C13orf42: variants seen among roughly 807,000 people sequenced by gnomAD.
C13orf42 encodes the protein uncharacterized protein C13orf42.
At chr13:51,161,860 A>C in intron 1 of C13orf42, 4 of 459,422 alleles carry the variant, frequency 8.7e-6, no homozygotes, top group South Asian at 1.8e-5. Context: ...TCAGAGCCCC[A>C]AAAACTTTAT....
Position 51,104,753 on chromosome 13 carries a change from T to A in C13orf42, c.414+6043A>T, listed in dbSNP as rs545611869. 1.2e-3 allele frequency among the ~76,000 whole-genome samples: 180 copies of A among 146,090 alleles called. 1 individual carries two copies. Among genetic ancestry groups the A allele is most frequent in the Non-Finnish European group, 1.1e-3 (77 of 67,348 alleles). On this transcript the variant is annotated intron_variant, in intron 1 of 3. Transcript: ENST00000563710. ...ACTGTGAAAGAGTGAGTTTTATGTA[T>A]GTGAATTAAAGCTATTATATTAAAA...
chr13:51,165,322 C>G (rs1403151784), intron 1 of C13orf42, among the ~76,000 whole-genome samples: 1 of 152,222 alleles, frequency 6.6e-6, no homozygotes, highest in Non-Finnish European at 1.5e-5. Context: ...AGGCTCTCCA[C>G]TGTTTCTAGC....
In C13orf42 at chr13:51,084,042, A is replaced by C; in HGVS notation, c.*109T>G. The C allele has an allele frequency of 2.5e-6, 1 of 396,948 alleles. No individual in the cohort carries two copies. The highest frequency in any genetic ancestry group is 4.4e-6 in the Non-Finnish European group (1 of 225,504). 24.6% of individuals were successfully genotyped at this position (396,948 alleles called of 1,614,324 possible). ...AGCAGGCAGTGTGCTGAGTGGGTTG[A>C]CTGTGTTACAATTGGCATTTTCAAC... On this transcript the variant is annotated 3_prime_UTR_variant, in exon 4 of 4. Transcript: ENST00000563710.
chr13:51,171,877 G>T (rs994069839), intron 1 of C13orf42: 4 of 152,062 alleles, frequency 2.6e-5, no homozygotes, highest in Admixed American at 2.6e-4. Flanking sequence ...TCAAAAGGCC[G>T]TCTTATGCTC....
intron 1 of C13orf42, among the ~76,000 whole-genome samples, chr13:51,089,839 A>G (rs1953164639): frequency 6.6e-6 from 1 of 151,534 alleles, no homozygotes; most frequent in Non-Finnish European, 1.5e-5. Context: ...TCGAGAACAA[A>G]GAGAACAAGA....
intron 1 of C13orf42, among the ~76,000 whole-genome samples, chr13:51,166,174 G>A (rs746104623): frequency 5.9e-5 from 9 of 152,026 alleles, no homozygotes; most frequent in Non-Finnish European, 1.3e-4. Flanking sequence ...TTCAAATAAG[G>A]AACTGCAACA....
chr13:51,097,166 C>G (rs7993853), intron 1 of C13orf42, among the ~76,000 whole-genome samples: 40,174 of 152,048 alleles, frequency 0.26, 5,430 homozygotes, highest in East Asian at 0.36. Context: ...AACAACAATC[C>G]CTTATTGATA....
At chr13:51,150,016 T>C (rs1405721279) in intron 1 of C13orf42, among the ~76,000 whole-genome samples, 1 of 152,250 alleles carries the variant, frequency 6.6e-6, no homozygotes, top group Non-Finnish European at 1.5e-5. Flanking sequence ...ATTTGACGAA[T>C]AAACTCAGAC....
chr13:51,120,386 G>T (rs964818970), intron 1 of C13orf42, among the ~76,000 whole-genome samples: 5 of 152,168 alleles, frequency 3.3e-5, no homozygotes, highest in Non-Finnish European at 5.9e-5. Context: ...GGGTATCCTT[G>T]CCGCATTATG....
chr13:51,120,136 C>G (rs1953522306), intron 1 of C13orf42, among the ~76,000 whole-genome samples: 1 of 152,148 alleles, frequency 6.6e-6, no homozygotes, highest in Non-Finnish European at 1.5e-5. Flanking sequence ...TGTAGAGGTT[C>G]CACTTGAGAA....
chr13:51,104,142 A>G (rs547784728), intron 1 of C13orf42, among the ~76,000 whole-genome samples: 23 of 152,338 alleles, frequency 1.5e-4, no homozygotes, highest in African/African-American at 5.5e-4. Flanking sequence ...AGGGTCCACG[A>G]TCTTTTAAGG....
chr13:51,155,892 C>G (rs1054142191), intron 1 of C13orf42, among the ~76,000 whole-genome samples: 1 of 152,110 alleles, frequency 6.6e-6, no homozygotes, highest in African/African-American at 2.4e-5. Flanking sequence ...TTACCAGAAT[C>G]CAGATGGGAA....
intron 1 of C13orf42, among the ~76,000 whole-genome samples, chr13:51,159,733 T>C (rs903671110): frequency 1.1e-4 from 17 of 152,234 alleles, no homozygotes; most frequent in Non-Finnish European, 1.8e-4. Context: ...GAATATGCAA[T>C]GTATATTTTG....
At chr13:51,108,928 CT>C (rs1443270968) in intron 1 of C13orf42, among the ~76,000 whole-genome samples, 1 of 152,220 alleles carries the variant, frequency 6.6e-6, no homozygotes, top group Non-Finnish European at 1.5e-5. Context: ...TTCCCTCCAT[CT>C]TCAGATAGCT....
chr13:51,102,839 T>G (rs1185999303), intron 1 of C13orf42, among the ~76,000 whole-genome samples: 2 of 152,152 alleles, frequency 1.3e-5, no homozygotes, highest in African/African-American at 2.4e-5. Context: ...TGGTAGAAGA[T>G]GAAGGAGAAG....
intron 2 of C13orf42, among the ~76,000 whole-genome samples, chr13:51,086,645 G>A (rs1312696429): frequency 6.6e-6 from 1 of 152,074 alleles, no homozygotes; most frequent in Non-Finnish European, 1.5e-5. Context: ...TATGTTTTTT[G>A]TTATCAGAGG....
At chr13:51,171,762 CAGAT>C (rs781298811) in intron 1 of C13orf42, among the ~76,000 whole-genome samples, 26 of 152,232 alleles carry the variant, frequency 1.7e-4, no homozygotes, top group Middle Eastern at 3.4e-3. Context: ...TACCCCAAAT[CAGAT>C]AGCGTTTAGG....
At chr13:51,130,096 A>C (rs1218187255) in intron 1 of C13orf42, among the ~76,000 whole-genome samples, 1 of 152,216 alleles carries the variant, frequency 6.6e-6, no homozygotes, top group Non-Finnish European at 1.5e-5. Flanking sequence ...TAAGTGCTTA[A>C]ATAAAATATT....
intron 1 of C13orf42, among the ~76,000 whole-genome samples, chr13:51,153,366 A>G (rs977914823): frequency 2.6e-5 from 4 of 152,048 alleles, no homozygotes; most frequent in East Asian, 1.9e-4. Context: ...CTGGGCACCT[A>G]TAAGTGTCTG....
Sources: allele counts gnomAD v4.1 joint callset (sites outside exome capture counted in the v4.1 genomes callset), GRCh38; gene constraint gnomAD v4.1.1; transcripts MANE v1.5; gene names NCBI Gene and HGNC (gene_info 2026-07-23, HGNC 2026-07-21).